MARK3: variants seen among roughly 807,000 people sequenced by gnomAD.
MARK3 encodes MAP/microtubule affinity-regulating kinase 3.
In MARK3, 46 loss-of-function variants were observed where a neutral mutation model predicts 90.1. The ratio of observed to expected loss-of-function variants is 0.51; its 90% CI spans 0.40 to 0.65. MARK3 has a LOEUF of 0.65. MARK3 is among the 30% of genes least tolerant of loss of function. The pLI is 0.00. For synonymous variants in MARK3, 321 were observed against 332.6 expected, an observed-to-expected ratio of 0.97 and a Z score of 0.38; for missense variants, 818 against 947.2, an observed-to-expected ratio of 0.86 and a Z score of 1.79.
intron 1 of MARK3, among the ~76,000 whole-genome samples, chr14:103,400,211 G>A (rs562958266): frequency 2.1e-4 from 32 of 152,232 alleles, no homozygotes; most frequent in Admixed American, 1.2e-3. Flanking sequence ...TTACAGGTGT[G>A]AGCCACAGTG....
intron 14 of MARK3, chr14:103,489,904 T>G (rs1595917798): frequency 6.6e-6 from 1 of 152,236 alleles, no homozygotes; most frequent in Non-Finnish European, 1.5e-5. Context: ...TTACCATGTC[T>G]GTTAACAGTT....
intron 15 of MARK3, among the ~76,000 whole-genome samples, chr14:103,492,897 T>A (rs183819872): frequency 5.3e-5 from 8 of 152,350 alleles, no homozygotes; most frequent in Non-Finnish European, 2.9e-5. Context: ...CAAGAGCCCC[T>A]GCAGTTTCAG....
At chr14:103,401,224 T>G (rs966237418) in intron 1 of MARK3, among the ~76,000 whole-genome samples, 1 of 152,188 alleles carries the variant, frequency 6.6e-6, no homozygotes, top group Non-Finnish European at 1.5e-5. Context: ...TTTAAAAAGT[T>G]AATTCTTAAA....
intron 12 of MARK3, among the ~76,000 whole-genome samples, chr14:103,468,425 A>G (rs1395681959): frequency 6.9e-6 from 1 of 144,316 alleles, no homozygotes; most frequent in Non-Finnish European, 1.5e-5. Flanking sequence ...CCCAGGTTCA[A>G]GCGATTCTCC....
intron 2 of MARK3, among the ~76,000 whole-genome samples, chr14:103,406,798 A>G (rs1437833353): frequency 6.9e-6 from 1 of 144,906 alleles, no homozygotes; most frequent in African/African-American, 2.6e-5. Flanking sequence ...AACATGAAAC[A>G]TATATTAGGT....
At chr14:103,390,762 G>A (rs1166616062) in intron 1 of MARK3, among the ~76,000 whole-genome samples, 1 of 152,226 alleles carries the variant, frequency 6.6e-6, no homozygotes, top group South Asian at 2.1e-4. Context: ...AGGCTGGAGT[G>A]CAGTGGAGCA....
At chr14:103,414,025 A>G (rs1007504148) in intron 2 of MARK3, among the ~76,000 whole-genome samples, 5 of 152,316 alleles carry the variant, frequency 3.3e-5, no homozygotes, top group Non-Finnish European at 7.4e-5. Context: ...TTCTGTGAAC[A>G]TAAGTTTTAA....
At chr14:103,422,176 T>A (rs1456503516) in intron 2 of MARK3, among the ~76,000 whole-genome samples, 1 of 152,192 alleles carries the variant, frequency 6.6e-6, no homozygotes, top group Non-Finnish European at 1.5e-5. Flanking sequence ...TAACACAGGT[T>A]GGGTGCAATG....
chr14:103,399,045 C>T (rs368048783), intron 1 of MARK3, among the ~76,000 whole-genome samples: 2 of 152,108 alleles, frequency 1.3e-5, no homozygotes, highest in South Asian at 2.1e-4. Context: ...GTGGGAGGTA[C>T]GTAAGTAGGC....
chr14:103,465,423 GAA>G (rs2093484368), intron 7 of MARK3, 132 bp from the exon 8 acceptor site: 1 of 627,318 alleles, frequency 1.6e-6, no homozygotes, highest in Admixed American at 2.9e-5. Flanking sequence ...TTTTTCTCTA[GAA>G]AGAATGTTTT....
intron 3 of MARK3, among the ~76,000 whole-genome samples, chr14:103,443,312 TAAG>T (rs2092909941): frequency 1.3e-5 from 2 of 152,200 alleles, no homozygotes; most frequent in African/African-American, 4.8e-5. Flanking sequence ...TTCCAGAACT[TAAG>T]AAGAGGAACT....
intron 3 of MARK3, among the ~76,000 whole-genome samples, chr14:103,433,000 ACTTCACACTACATTTTTTTCTGT>A (rs1785425951): frequency 6.6e-6 from 1 of 152,184 alleles, no homozygotes; most frequent in Admixed American, 6.5e-5. Context: ...ATGTCAGGTT[ACTTCACACTACATTTTTTTCTGT>A]AAGGATTAAA....
intron 4 of MARK3, among the ~76,000 whole-genome samples, chr14:103,451,083 G>A (rs1459260247): frequency 3.3e-5 from 5 of 151,080 alleles, no homozygotes; most frequent in Non-Finnish European, 7.4e-5. Context: ...GGTGCATGCC[G>A]CCATACCCAG....
At chr14:103,486,534 G>A (rs1475040910) in intron 14 of MARK3, among the ~76,000 whole-genome samples, 1 of 152,144 alleles carries the variant, frequency 6.6e-6, no homozygotes, top group Non-Finnish European at 1.5e-5. Context: ...ATGTAATGCT[G>A]CTACTGTTTT....
chr14:103,475,322 T>TTA, intron 13 of MARK3, 112 bp downstream of exon 13: 1 of 792,364 alleles, frequency 1.3e-6, no homozygotes, highest in Non-Finnish European at 2.1e-6. Context: ...CCCTCTCTAC[T>TTA]AGGCAGCCAT....
At chr14:103,387,467 CTTAT>C (rs1274353117) in intron 1 of MARK3, among the ~76,000 whole-genome samples, 1 of 136,494 alleles carries the variant, frequency 7.3e-6, no homozygotes, top group Non-Finnish European at 1.7e-5. Context: ...TTAAAGAAAC[CTTAT>C]TTATTTGTTT....
At chr14:103,462,227 C>T (rs1329950617) in intron 6 of MARK3, among the ~76,000 whole-genome samples, 178 bp from the exon 7 acceptor site, 5 of 152,146 alleles carry the variant, frequency 3.3e-5, no homozygotes, top group Non-Finnish European at 7.3e-5. Context: ...TTTTTGCCCT[C>T]ACCCATGAAT....
chr14:103,485,129 C>T (rs1470722413), intron 14 of MARK3, among the ~76,000 whole-genome samples: 2 of 148,558 alleles, frequency 1.3e-5, no homozygotes, highest in African/African-American at 5.0e-5. Context: ...ACTTGGGAGG[C>T]CGAGGCAGGA....
chr14:103,499,820 C>T, intron 16 of MARK3: 1 of 277,204 alleles, frequency 3.6e-6, no homozygotes, highest in Non-Finnish European at 6.9e-6. Flanking sequence ...CGAGTGTGCT[C>T]AGGCTGAAGA....
Sources: gnomAD v4.1 joint callset for allele counts (sites outside exome capture counted in the v4.1 genomes callset) on GRCh38, gnomAD v4.1.1 for gene constraint, MANE v1.5 for transcripts, NCBI Gene and HGNC (gene_info 2026-07-23, HGNC 2026-07-21) for gene names.